Variants in ATP2B2 observed in about 807,000 individuals in gnomAD.
The protein encoded by ATP2B2 is ATPase plasma membrane Ca2+ transporting 2, also known as plasma membrane calcium-transporting ATPase 2.
A neutral mutation model predicts 120.0 loss-of-function variants in ATP2B2; 15 were observed. That is an observed-to-expected ratio of 0.12 (90% CI 0.08 to 0.19). The LOEUF is 0.19. Among genes scored for constraint, ATP2B2 ranks in the 10% least tolerant of loss-of-function variants. The pLI, the probability that ATP2B2 is intolerant of heterozygous loss-of-function variation, is 1.00. For synonymous variants in ATP2B2, 694 were observed against 700.3 expected, an observed-to-expected ratio of 0.99 and a Z score of 0.14; for missense variants, 1,045 against 1,719.8, an observed-to-expected ratio of 0.61 and a Z score of 6.94.
intron 2 of ATP2B2, among the ~76,000 whole-genome samples, chr3:10,546,863 A>G (rs1048179800): frequency 2.0e-5 from 3 of 152,196 alleles, no homozygotes; most frequent in Non-Finnish European, 4.4e-5. Context: ...TGGGTCTTCC[A>G]AAGCCAATAG....
chr3:10,359,137 T>C (rs922711537), intron 13 of ATP2B2, among the ~76,000 whole-genome samples: 3 of 152,200 alleles, frequency 2.0e-5, no homozygotes, highest in African/African-American at 7.2e-5. Context: ...TGATGTATTA[T>C]ATACTCACAA....
At chr3:10,489,143 C>T (rs980359014) in intron 1 of ATP2B2, among the ~76,000 whole-genome samples, 1 of 152,256 alleles carries the variant, frequency 6.6e-6, no homozygotes, top group Non-Finnish European at 1.5e-5. Context: ...CATGAGGCTC[C>T]CTCAGGTCTC....
At chr3:10,352,167 C>G (rs929909749) in intron 14 of ATP2B2, among the ~76,000 whole-genome samples, 3 of 152,262 alleles carry the variant, frequency 2.0e-5, no homozygotes, top group African/African-American at 7.2e-5. Flanking sequence ...CCTGCCACTC[C>G]TTCAGCCCCC....
intron 1 of ATP2B2, among the ~76,000 whole-genome samples, chr3:10,450,148 A>T (rs899776748): frequency 3.9e-5 from 6 of 152,074 alleles, no homozygotes; most frequent in Admixed American, 3.9e-4. Flanking sequence ...CTGTGTGTAC[A>T]CACATCCCCC....
At chr3:10,537,276 T>C (rs894977986) in intron 2 of ATP2B2, among the ~76,000 whole-genome samples, 2 of 152,220 alleles carry the variant, frequency 1.3e-5, no homozygotes, top group East Asian at 1.9e-4. Flanking sequence ...GAGATTTTGA[T>C]AGAAATTGCA....
intron 22 of ATP2B2, among the ~76,000 whole-genome samples, chr3:10,334,004 G>T (rs1198279023): frequency 6.6e-6 from 1 of 152,260 alleles, no homozygotes; most frequent in Non-Finnish European, 1.5e-5. Flanking sequence ...AAGAAGTGTT[G>T]TTCCCGGACG....
At chr3:10,553,414 G>A (rs1374361078) in intron 2 of ATP2B2, among the ~76,000 whole-genome samples, 2 of 152,134 alleles carry the variant, frequency 1.3e-5, no homozygotes, top group African/African-American at 4.8e-5. Context: ...AGGGTGGAGG[G>A]GAAGAACAAT....
intron 1 of ATP2B2, among the ~76,000 whole-genome samples, chr3:10,691,642 C>T (rs545500804): frequency 6.6e-6 from 1 of 152,342 alleles, no homozygotes; most frequent in African/African-American, 2.4e-5. Flanking sequence ...TCTGGCTTAT[C>T]CATGGAAACA....
At chr3:10,429,331 C>T (rs1168056462) in intron 2 of ATP2B2, among the ~76,000 whole-genome samples, 3 of 152,322 alleles carry the variant, frequency 2.0e-5, no homozygotes, top group African/African-American at 4.8e-5. Flanking sequence ...TGAAGGTTTG[C>T]GGCAACCCTG....
intron 3 of ATP2B2, among the ~76,000 whole-genome samples, chr3:10,522,667 C>T (rs948024734): frequency 3.9e-5 from 6 of 152,246 alleles, no homozygotes; most frequent in Non-Finnish European, 8.8e-5. Context: ...CTCACATCCA[C>T]ACCATCCGTT....
chr3:10,648,772 C>T (rs1006597834), intron 1 of ATP2B2, among the ~76,000 whole-genome samples: 5 of 152,188 alleles, frequency 3.3e-5, no homozygotes, highest in Non-Finnish European at 5.9e-5. Flanking sequence ...AGCACCAAAT[C>T]CTACCAGTTT....
At chr3:10,359,059 G>C in intron 13 of ATP2B2, 134 bp from the exon 14 acceptor site, 1 of 865,432 alleles carries the variant, frequency 1.2e-6, no homozygotes, top group Non-Finnish European at 1.8e-6. Flanking sequence ...TCATCCCCCA[G>C]GCAGGGTGAA....
chr3:10,501,373 G>T (rs66898785), intron 1 of ATP2B2, among the ~76,000 whole-genome samples: 61,961 of 143,556 alleles, frequency 0.43, 13,638 homozygotes, highest in South Asian at 0.58. Flanking sequence ...TTTTTAAACG[G>T]TTTTTTTTTT....
In ATP2B2 at chr3:10,546,224, C is replaced by T. The variant is rs539925827; in HGVS notation, c.-414-12091G>A. ...CCATCTCTCAGCCTCCCCAACTGCC[C>T]CCTGGAGCTGGGATTCTGCGCAATA... On this transcript the variant is annotated intron_variant, in intron 2 of 21. Transcript: ENST00000646379. Among the ~76,000 whole-genome samples, 3 of 152,312 alleles carry T rather than the reference C, an allele frequency of 2.0e-5. No individual in the cohort carries two copies. In the South Asian group the frequency reaches 6.2e-4, roughly 32 times the overall value.
chr3:10,371,763 CCA>C (rs2125504552), intron 12 of ATP2B2, 44 bp downstream of exon 12: 1 of 1,613,812 alleles, frequency 6.2e-7, no homozygotes, highest in African/African-American at 1.3e-5. Context: ...CTGTACCATC[CCA>C]TGGATGTTGC....
At chr3:10,330,024 G>A (rs930007827) in intron 22 of ATP2B2, among the ~76,000 whole-genome samples, 3 of 152,152 alleles carry the variant, frequency 2.0e-5, no homozygotes, top group African/African-American at 7.2e-5. Context: ...ATTTCCTGGG[G>A]GATTTTGTTT....
intron 2 of ATP2B2, among the ~76,000 whole-genome samples, chr3:10,611,791 C>T (rs2069246272): frequency 6.6e-6 from 1 of 152,148 alleles, no homozygotes; most frequent in Non-Finnish European, 1.5e-5. Context: ...TAACGTTGGA[C>T]CAGTGACTCC....
intron 2 of ATP2B2, among the ~76,000 whole-genome samples, chr3:10,415,229 A>C (rs958267833): frequency 2.0e-5 from 3 of 152,194 alleles, no homozygotes; most frequent in African/African-American, 7.2e-5. Flanking sequence ...GTGAGGCTTC[A>C]ACACGATGTC....
intron 3 of ATP2B2, among the ~76,000 whole-genome samples, chr3:10,531,578 G>A (rs963281835): frequency 6.6e-5 from 10 of 152,332 alleles, no homozygotes; most frequent in Non-Finnish European, 1.2e-4. Context: ...CCTGCATTAA[G>A]TGATTGCTAT....
Sources: allele counts gnomAD v4.1 joint callset (sites outside exome capture counted in the v4.1 genomes callset), GRCh38; gene constraint gnomAD v4.1.1; transcripts MANE v1.5; gene names NCBI Gene and HGNC (gene_info 2026-07-23, HGNC 2026-07-21).